ZNF518B: variants seen among roughly 807,000 people sequenced by gnomAD.
ZNF518B encodes zinc finger protein 518B.
A neutral mutation model predicts 56.3 loss-of-function variants in ZNF518B; 23 were observed. The observed-to-expected ratio is 0.41, with a 90% CI of 0.29 to 0.58. The LOEUF is 0.58. Ranked by LOEUF, ZNF518B falls within the 20% of genes least tolerant of loss-of-function variation. The pLI is 0.32. For synonymous variants in ZNF518B, 529 were observed against 465.9 expected, an observed-to-expected ratio of 1.14 and a Z score of -1.74; for missense variants, 1,460 against 1,272.1, an observed-to-expected ratio of 1.15 and a Z score of -2.25.
In ZNF518B at chr4:10,446,412, G is replaced by T; in HGVS notation, c.-84C>A. 1 of 1,301,558 alleles carries T rather than the reference G, an allele frequency of 7.7e-7. No individual in the cohort carries two copies. Among genetic ancestry groups the T allele is most frequent in the Non-Finnish European group, 1.1e-6 (1 of 930,270 alleles). The allele number at this position is 1,301,558 out of a possible 1,614,324, so 80.6% of individuals were successfully genotyped here. A position where few individuals can be genotyped will look rare whatever the true frequency, so the allele number is the denominator to read the frequency against. On this transcript the variant is annotated 5_prime_UTR_variant, in exon 3 of 3. The change creates a new upstream start codon in the 5' untranslated region. Transcript: ENST00000326756. ...TCCTTAGGAGATATCCTTCTATACA[G>T]TTTGTGATGGGTAGGGGCGCAGCTA...
chr4:10,445,503 T>A lies in ZNF518B; in HGVS notation c.826A>T (p.Met276Leu). 6.2e-7 allele frequency: 1 copy of A among 1,614,130 alleles called. No individual in the cohort carries two copies. Among genetic ancestry groups the A allele is most frequent in the Non-Finnish European group, 8.5e-7 (1 of 1,179,952 alleles). Residue 276 changes from methionine to leucine, a missense_variant, in exon 3 of 3, where the codon ATG (methionine) becomes TTG (leucine). By Grantham distance (15) the Met-to-Leu change is conservative. Coordinates refer to ENST00000326756, the MANE Select transcript of ZNF518B (RefSeq NM_053042.3). ...HANKDKMHNI[M>L]LLPEPKEYQK... Reference sequence around the variant, plus strand: ...TATTCCTTTGGTTCAGGTAACAACATGATATTGTGCATTTTGTCTTTATTT... The same window carrying A: ...TATTCCTTTGGTTCAGGTAACAACAAGATATTGTGCATTTTGTCTTTATTT...
Position 10,444,967 on chromosome 4 carries a change from G to A in ZNF518B, c.1362C>T (p.Phe454=). ...AATCCTCAATTGTTTCCGAATTAAT[G>A]AAGGATTTTCCATTGTTGTGCACAC... The part of the protein sequence containing the change: ...NSSVHNNGKS[F]INSETIEDFQ... The change falls in exon 3 of 3, where the codon TTC becomes TTT. Residue 454 remains phenylalanine, a synonymous_variant. Transcript: ENST00000326756. 6.2e-7 allele frequency: 1 copy of A among 1,612,540 alleles called. No homozygotes were observed. Among genetic ancestry groups the A allele is most frequent in the Non-Finnish European group, 8.5e-7 (1 of 1,179,606 alleles).
At chr4:10,460,519 A>T (rs1397987905), upstream of ZNF518B, among the ~76,000 whole-genome samples, 2 of 151,946 alleles carry the variant, frequency 1.3e-5, no homozygotes, top group African/African-American at 2.4e-5. Flanking sequence ...CTGCCACAAG[A>T]AGATGGAGAA....
rs770768850 is a variant in ZNF518B, at chr4:10,444,021, C to A, written c.2308G>T (p.Val770Leu). 1.1e-5 allele frequency: 17 copies of A among 1,614,124 alleles called. No individual in the cohort carries two copies. The Admixed American group carries it at 2.8e-4, about 27-fold the overall frequency. The change falls in exon 3 of 3, where the codon GTG becomes TTG. Residue 770 changes from valine (V) to leucine (L), a missense_variant. Physicochemically the swap from Val to Leu is conservative, Grantham distance 32 (BLOSUM62 1). Coordinates refer to ENST00000326756, the MANE Select transcript of ZNF518B (RefSeq NM_053042.3). ...AACACAGCCCCTTTGGGGATTAACACTGGCGTGGCAACATGAGCCTTCCTG... is the reference window on the plus strand; with the variant it reads ...AACACAGCCCCTTTGGGGATTAACAATGGCGTGGCAACATGAGCCTTCCTG... ...VARKAHVATP[V>L]LIPKGAVLRV...
Position 10,457,419 on chromosome 4 carries a change from C to G in ZNF518B, c.-498G>C, listed in dbSNP as rs1004091471. ...CCGCTGTAGGTCCCTACCCGGGGGG[C>G]GGAGCCCGCGCCAGCCCCGCGCGTG... On this transcript the variant is annotated 5_prime_UTR_variant, in exon 1 of 3. Coordinates refer to ENST00000326756, the MANE Select transcript of ZNF518B (RefSeq NM_053042.3). 1.3e-5 allele frequency: 2 copies of G among 151,976 alleles called. No homozygotes were observed. Among genetic ancestry groups the G allele is most frequent in the East Asian group, 1.9e-4 (1 of 5,176 alleles). 9.4% of individuals were successfully genotyped at this position (151,976 alleles called of 1,614,324 possible). A position where few individuals can be genotyped will look rare whatever the true frequency, so the allele number is the denominator to read the frequency against.
Position 10,440,111 on chromosome 4 carries a change from G to A in ZNF518B, c.*2993C>T, listed in dbSNP as rs1682278656. On this transcript the variant is annotated 3_prime_UTR_variant, in exon 3 of 3. Transcript: ENST00000326756. ...GCAACATCACATCTTCAACTTCTGAGATGGATTATATATAACATGTCCTAA... is the reference window on the plus strand; with the variant it reads ...GCAACATCACATCTTCAACTTCTGAAATGGATTATATATAACATGTCCTAA... 6.6e-6 allele frequency: 1 copy of A among 152,478 alleles called. No homozygotes were observed. Among genetic ancestry groups the A allele is most frequent in the Non-Finnish European group, 1.5e-5 (1 of 68,032 alleles). 9.4% of individuals were successfully genotyped at this position (152,478 alleles called of 1,614,324 possible). A position where few individuals can be genotyped will look rare whatever the true frequency, so the allele number is the denominator to read the frequency against.
chr4:10,452,397 T>C (rs902998353), intron 2 of ZNF518B: 1 of 152,206 alleles, frequency 6.6e-6, no homozygotes, highest in African/African-American at 2.4e-5. Context: ...TCCTTCTGTC[T>C]CTTTCACCAT....
chr4:10,444,423 C>A lies in ZNF518B; in HGVS notation c.1906G>T (p.Val636Leu). The A allele has an allele frequency of 1.2e-6, 2 of 1,614,190 alleles. No homozygotes were observed. The highest frequency in any genetic ancestry group is 1.7e-6 in the Non-Finnish European group (2 of 1,180,028). Residue 636 changes from valine (V) to leucine (L), a missense_variant, in exon 3 of 3, where the codon GTA becomes TTA. Coordinates refer to ENST00000326756, the MANE Select transcript of ZNF518B (RefSeq NM_053042.3). ...NTNDGPVISS[V>L]FSLSSGSENV... ...TCAGATCCAGAGCTCAGAGAAAATA[C>A]TGATGAGATGACTGGGCCATCATTA...
chr4:10,444,569 C>T lies in ZNF518B; in HGVS notation c.1760G>A (p.Gly587Asp), dbSNP rs1462162827. 2 of 1,614,090 alleles carry T rather than the reference C, an allele frequency of 1.2e-6. No homozygotes were observed. ...TEEHKAVSTV[G>D]QISSQHKSEY... ...ACTCTTATGTTGAGAGGAAATCTGG[C>T]CTACAGTTGAAACTGCCTTGTGTTC... Residue 587 changes from glycine (G) to aspartate (D), a missense_variant, in exon 3 of 3, where the codon GGC becomes GAC. Gly to Asp is a moderately conservative substitution (Grantham distance 94). Coordinates refer to ENST00000326756, the MANE Select transcript of ZNF518B (RefSeq NM_053042.3).
At chr4:10,460,499 G>A (rs73224496), upstream of ZNF518B, among the ~76,000 whole-genome samples, 7,090 of 152,018 alleles carry the variant, frequency 0.047, 271 homozygotes, top group Non-Finnish European at 0.073. Context: ...TGTAAGCCAC[G>A]AGTAGGAAGC....
chr4:10,444,957 C>G lies in ZNF518B; in HGVS notation c.1372G>C (p.Glu458Gln), dbSNP rs1348387251. The change falls in exon 3 of 3, where the codon GAA becomes CAA. Residue 458 changes from glutamate to glutamine, a missense_variant. Glu to Gln is a conservative substitution (Grantham distance 29). Transcript: ENST00000326756. ...HNNGKSFINS[E>Q]TIEDFQKKNN... Reference sequence around the variant, plus strand: ...TTTTTCTGAAAATCCTCAATTGTTTCCGAATTAATGAAGGATTTTCCATTG... The same window carrying G: ...TTTTTCTGAAAATCCTCAATTGTTTGCGAATTAATGAAGGATTTTCCATTG... 1 of 1,612,170 alleles carries G rather than the reference C, an allele frequency of 6.2e-7. No individual in the cohort carries two copies. Among genetic ancestry groups the G allele is most frequent in the South Asian group, 1.1e-5 (1 of 90,752 alleles).
intron 2 of ZNF518B, chr4:10,450,876 A>G (rs1715274535): frequency 1.3e-5 from 2 of 152,236 alleles, no homozygotes; most frequent in South Asian, 4.1e-4. Flanking sequence ...CACAGAAAAG[A>G]ATACCATTAA....
intron 2 of ZNF518B, among the ~76,000 whole-genome samples, chr4:10,450,364 G>A (rs942228022): frequency 6.6e-6 from 1 of 152,216 alleles, no homozygotes; most frequent in Admixed American, 6.5e-5. Flanking sequence ...AAGTGAAAAA[G>A]ATGTGAGGTT....
intron 2 of ZNF518B, among the ~76,000 whole-genome samples, chr4:10,448,151 G>A (rs773006079): frequency 1.8e-4 from 27 of 152,152 alleles, no homozygotes; most frequent in Admixed American, 3.3e-4. Context: ...TCCCAGAGCC[G>A]CCATGATGAT....
Position 10,441,256 on chromosome 4 carries a change from AAAT to A in ZNF518B, c.*1845_*1847del, listed in dbSNP as rs1277164729. 6.6e-6 allele frequency: 1 copy of A among 152,586 alleles called. No homozygotes were observed. Among genetic ancestry groups the A allele is most frequent in the Non-Finnish European group, 1.5e-5 (1 of 68,032 alleles). The allele number at this position is 152,586 out of a possible 1,614,324, so 9.5% of individuals were successfully genotyped here. The stretch of plus-strand genomic sequence containing the variant: ...GCTACTGCAATTTTCATATGGTAAA[AAAT>A]ATTTTTATGTGTACACATACACATA... On this transcript the variant is annotated 3_prime_UTR_variant, in exon 3 of 3. Transcript: ENST00000326756.
rs1015141246 is a variant in ZNF518B at position 10,444,107 on chromosome 4, T to C, written c.2222A>G (p.His741Arg). 1 of 1,614,118 alleles carries C rather than the reference T, an allele frequency of 6.2e-7. No homozygotes were observed. The highest frequency in any genetic ancestry group is 1.3e-5 in the African/African-American group (1 of 74,940). ...GGITGNRQLT[H>R]QQIYPHFADG... Reference sequence around the variant, plus strand: ...TGCAAAGTGTGGATATATTTGTTGATGAGTAAGCTGTCTATTACCAGTAAT... The same window carrying C: ...TGCAAAGTGTGGATATATTTGTTGACGAGTAAGCTGTCTATTACCAGTAAT... Residue 741 changes from histidine to arginine, a missense_variant, in exon 3 of 3, where the codon CAT (histidine) becomes CGT (arginine). By Grantham distance (29) the His-to-Arg change is conservative. Coordinates refer to ENST00000326756, the MANE Select transcript of ZNF518B (RefSeq NM_053042.3).
chr4:10,448,797 G>A (rs956409150), intron 2 of ZNF518B, among the ~76,000 whole-genome samples: 1 of 152,104 alleles, frequency 6.6e-6, no homozygotes, highest in African/African-American at 2.4e-5. Context: ...ACATTACACT[G>A]CATTTCTGGA....
In ZNF518B at chr4:10,444,729, G is replaced by C; in HGVS notation, c.1600C>G (p.Pro534Ala). The change falls in exon 3 of 3, where the codon CCT (proline) becomes GCT (alanine). Residue 534 changes from proline (P) to alanine (A), a missense_variant. Physicochemically the swap from Pro to Ala is conservative, Grantham distance 27. Coordinates refer to ENST00000326756, the MANE Select transcript of ZNF518B (RefSeq NM_053042.3). ...TCTCCAGAGAAGGAACAGGTTGCAG[G>C]TGATGCAGCAAATGGGAGTAACTGC... ...SQQLLPFAAS[P>A]ATCSFSGEKG... 6.2e-7 allele frequency: 1 copy of C among 1,614,164 alleles called. No individual in the cohort carries two copies. Among genetic ancestry groups the C allele is most frequent in the Non-Finnish European group, 8.5e-7 (1 of 1,180,012 alleles).
At chr4:10,452,225 T>C (rs1306602138) in intron 2 of ZNF518B, 1 of 152,190 alleles carries the variant, frequency 6.6e-6, no homozygotes, top group African/African-American at 2.4e-5. Context: ...CTGTCCCTCA[T>C]TTGCAGGGTC....
Sources: allele counts gnomAD v4.1 joint callset (sites outside exome capture counted in the v4.1 genomes callset), GRCh38; gene constraint gnomAD v4.1.1; transcripts MANE v1.5; gene names NCBI Gene and HGNC (gene_info 2026-07-23, HGNC 2026-07-21).